Variants in DOCK1 observed in about 807,000 individuals in gnomAD.
DOCK1 encodes dedicator of cytokinesis 1.
DOCK1 carries 138 observed loss-of-function variants against 262.7 expected under a neutral mutation model. The ratio of observed to expected loss-of-function variants is 0.53; its 90% CI spans 0.46 to 0.61. The LOEUF is 0.61. Among genes scored for constraint, DOCK1 ranks in the 20% least tolerant of loss-of-function variants. The probability of loss-of-function intolerance (pLI) is 0.00; values close to 1 mark genes in which losing one functional copy is unlikely to be tolerated. For missense variants in DOCK1, 1,908 were observed against 2,370.7 expected, an observed-to-expected ratio of 0.80 and a Z score of 4.05; for synonymous variants, 866 against 867.4, an observed-to-expected ratio of 1.00 and a Z score of 0.03.
chr10:127,018,641 T>G, intron 12 of DOCK1, 69 bp from the exon 13 acceptor site: 1 of 1,606,838 alleles, frequency 6.2e-7, no homozygotes, highest in South Asian at 1.1e-5. Flanking sequence ...TCATTGAAAT[T>G]GGTTTCGTGA....
chr10:127,184,572 T>C (rs1469286029), intron 27 of DOCK1, among the ~76,000 whole-genome samples: 1 of 148,936 alleles, frequency 6.7e-6, no homozygotes, highest in Non-Finnish European at 1.5e-5. Context: ...TACATCCCAG[T>C]TGGTAGCACT....
chr10:126,969,132 C>G (rs973456175), intron 1 of DOCK1, among the ~76,000 whole-genome samples: 5 of 152,196 alleles, frequency 3.3e-5, no homozygotes, highest in African/African-American at 1.2e-4. Context: ...CCCATTGTGC[C>G]AGATCCAACA....
intron 1 of DOCK1, among the ~76,000 whole-genome samples, chr10:126,910,721 G>A (rs1222438342): frequency 2.6e-5 from 4 of 151,962 alleles, no homozygotes; most frequent in East Asian, 1.9e-4. Context: ...CAAGCACCAC[G>A]CCTACCTCCC....
chr10:126,927,593 T>C (rs1424823781), intron 1 of DOCK1, among the ~76,000 whole-genome samples: 5 of 152,100 alleles, frequency 3.3e-5, no homozygotes, highest in Admixed American at 1.3e-4. Flanking sequence ...CCCATCACCA[T>C]GCCCAGCCAA....
At chr10:127,338,576 C>A (rs1180084539) in intron 29 of DOCK1, among the ~76,000 whole-genome samples, 22 of 152,220 alleles carry the variant, frequency 1.4e-4, no homozygotes, top group Admixed American at 1.4e-3. Flanking sequence ...GCAGCAACCT[C>A]TTCCAAGCCT....
Position 127,023,288 on chromosome 10 carries a change from G to C in DOCK1, c.1416G>C (p.Thr472=), listed in dbSNP as rs368419940. 1.2e-6 allele frequency: 2 copies of C among 1,613,832 alleles called. No individual in the cohort carries two copies. The change falls in exon 14 of 52, where the codon ACG becomes ACC. Residue 472 remains threonine (T), a synonymous_variant. Coordinates refer to ENST00000623213, the MANE Select transcript of DOCK1 (RefSeq NM_001290223.2). ...SKTTAKNVEV[T]VSVYDEDGKR... is the part of the protein sequence containing the mutation. Reference sequence around the variant, plus strand: ...CAACAGCGAAGAACGTGGAGGTCACGGTGTCTGTGTACGATGAGGATGGGA... The same window carrying C: ...CAACAGCGAAGAACGTGGAGGTCACCGTGTCTGTGTACGATGAGGATGGGA...
chr10:127,011,552 C>G (rs1281517787), intron 11 of DOCK1, among the ~76,000 whole-genome samples: 1 of 152,180 alleles, frequency 6.6e-6, no homozygotes. Context: ...GGCATATGCC[C>G]CCCGTTTGTA....
intron 27 of DOCK1, among the ~76,000 whole-genome samples, chr10:127,140,008 G>A (rs1303726324): frequency 6.6e-6 from 1 of 152,050 alleles, no homozygotes; most frequent in East Asian, 1.9e-4. Context: ...GTGAATATAC[G>A]GTATGTTAGG....
chr10:127,444,218 C>T lies in DOCK1; in HGVS notation c.5352C>T (p.Ser1784=). The change falls in exon 50 of 52, where the codon TCC becomes TCT. Residue 1784 remains serine, a synonymous_variant. Transcript: ENST00000623213. Reference sequence around the variant, plus strand: ...TCTCGGTGTCCCCCTCGTCACCGTCCTCCCAGCAAACACCCCCTCCAGTTA... The same window carrying T: ...TCTCGGTGTCCCCCTCGTCACCGTCTTCCCAGCAAACACCCCCTCCAGTTA... ...RRFSVSPSSP[S]SQQTPPPVTP... The T allele has an allele frequency of 6.2e-7, 1 of 1,611,934 alleles. No homozygotes were observed. The highest frequency in any genetic ancestry group is 8.5e-7 in the Non-Finnish European group (1 of 1,179,366).
intron 38 of DOCK1, among the ~76,000 whole-genome samples, chr10:127,392,018 C>T (rs1469446030): frequency 6.6e-6 from 1 of 151,956 alleles, no homozygotes; most frequent in Non-Finnish European, 1.5e-5. Flanking sequence ...TGTACCCTCT[C>T]ATCACCCACA....
intron 27 of DOCK1, among the ~76,000 whole-genome samples, chr10:127,142,221 A>G (rs2051329311): frequency 6.6e-6 from 1 of 152,206 alleles, no homozygotes; most frequent in Non-Finnish European, 1.5e-5. Context: ...GGGCGGCTCC[A>G]GTGCAGGGGC....
At chr10:127,110,748 T>G (rs1472137953) in intron 25 of DOCK1, among the ~76,000 whole-genome samples, 1 of 152,368 alleles carries the variant, frequency 6.6e-6, no homozygotes, top group Admixed American at 6.5e-5. Context: ...TTCTGAACTT[T>G]GCATTCTTTG....
At chr10:127,201,826 A>T (rs2057474603) in intron 27 of DOCK1, among the ~76,000 whole-genome samples, 3 of 152,124 alleles carry the variant, frequency 2.0e-5, no homozygotes, top group African/African-American at 7.2e-5. Context: ...TTATTTGGTC[A>T]GTCTTGGGTG....
intron 21 of DOCK1, among the ~76,000 whole-genome samples, chr10:127,048,719 G>T (rs2044511026): frequency 6.6e-6 from 1 of 152,210 alleles, no homozygotes; most frequent in Admixed American, 6.5e-5. Flanking sequence ...AGGTTGGACA[G>T]CTCAGAAACA....
At chr10:127,157,855 A>C (rs1249721092) in intron 27 of DOCK1, among the ~76,000 whole-genome samples, 2 of 152,236 alleles carry the variant, frequency 1.3e-5, no homozygotes, top group Admixed American at 6.5e-5. Flanking sequence ...CAGGAGATTA[A>C]TTTGTGAATA....
chr10:127,061,369 C>G (rs919609628), intron 22 of DOCK1, among the ~76,000 whole-genome samples: 1 of 152,204 alleles, frequency 6.6e-6, no homozygotes, highest in Non-Finnish European at 1.5e-5. Flanking sequence ...CCTTTCCACC[C>G]TCCCTTTCTG....
intron 10 of DOCK1, among the ~76,000 whole-genome samples, chr10:127,007,731 T>G (rs1565057123): frequency 6.6e-6 from 1 of 152,072 alleles, no homozygotes; most frequent in Non-Finnish European, 1.5e-5. Flanking sequence ...CCGGGGGGTG[T>G]GTTTGTGAAG....
chr10:127,260,105 C>T (rs1014944071), intron 29 of DOCK1, among the ~76,000 whole-genome samples: 1 of 152,216 alleles, frequency 6.6e-6, no homozygotes, highest in Non-Finnish European at 1.5e-5. Flanking sequence ...CAGTGGCAAC[C>T]TTCCCTGGCC....
chr10:127,405,008 T>A (rs1412134962), intron 40 of DOCK1, among the ~76,000 whole-genome samples: 1 of 152,224 alleles, frequency 6.6e-6, no homozygotes, highest in Non-Finnish European at 1.5e-5. Context: ...TCATCCAGGT[T>A]GTAGCATGTG....
Sources: allele counts gnomAD v4.1 joint callset (sites outside exome capture counted in the v4.1 genomes callset), GRCh38; gene constraint gnomAD v4.1.1; transcripts MANE v1.5; gene names NCBI Gene and HGNC (gene_info 2026-07-23, HGNC 2026-07-21).